DIP2B: variants seen among roughly 807,000 people sequenced by gnomAD.
DIP2B encodes the protein DIP2 acetate--CoA ligase B (putative).
Under a neutral mutation model 198.0 loss-of-function variants are expected in DIP2B, and 76 were observed. That is an observed-to-expected ratio of 0.38 (90% CI 0.32 to 0.46). The LOEUF is 0.46. DIP2B is among the 20% of genes least tolerant of loss of function. The pLI is 0.99. For missense variants in DIP2B, 1,559 were observed against 1,978.4 expected, an observed-to-expected ratio of 0.79 and a Z score of 4.02; for synonymous variants, 701 against 739.1, an observed-to-expected ratio of 0.95 and a Z score of 0.84.
chr12:50,725,104 T>A (rs536912408), intron 28 of DIP2B, among the ~76,000 whole-genome samples: 1 of 152,122 alleles, frequency 6.6e-6, no homozygotes. Flanking sequence ...CAAACAAAAT[T>A]GTTTTGCTGT....
At chr12:50,673,777 C>A (rs958906117) in intron 5 of DIP2B, among the ~76,000 whole-genome samples, 1 of 152,134 alleles carries the variant, frequency 6.6e-6, no homozygotes, top group Non-Finnish European at 1.5e-5. Flanking sequence ...CAGCACAAGA[C>A]CCTGTCTGAA....
intron 19 of DIP2B, among the ~76,000 whole-genome samples, chr12:50,700,642 G>A (rs528771078): frequency 6.6e-6 from 1 of 152,264 alleles, no homozygotes; most frequent in African/African-American, 2.4e-5. Flanking sequence ...TTATCTTTGT[G>A]TTTACCCAAC....
chr12:50,664,437 T>C (rs1361533370), intron 4 of DIP2B, among the ~76,000 whole-genome samples: 2 of 152,202 alleles, frequency 1.3e-5, no homozygotes, highest in Non-Finnish European at 1.5e-5. Flanking sequence ...GCTTGTGGCC[T>C]TTTTCAGAGT....
intron 31 of DIP2B, 67 bp from the exon 32 acceptor site, chr12:50,732,299 G>A: frequency 6.4e-7 from 1 of 1,569,148 alleles, no homozygotes; most frequent in African/African-American, 1.4e-5. Flanking sequence ...AGCTAGAACA[G>A]TGGCCTTACC....
At chr12:50,699,755 C>T (rs1339193939) in intron 19 of DIP2B, among the ~76,000 whole-genome samples, 13 of 151,928 alleles carry the variant, frequency 8.6e-5, no homozygotes, top group Non-Finnish European at 1.5e-4. Flanking sequence ...CCCAGCTACT[C>T]GAAAGGCTGA....
intron 17 of DIP2B, among the ~76,000 whole-genome samples, chr12:50,697,704 A>G (rs1395747437): frequency 6.6e-6 from 1 of 151,142 alleles, no homozygotes; most frequent in African/African-American, 2.4e-5. Context: ...TAATTTTTAA[A>G]TTTTTTTGTA....
Position 50,565,487 on chromosome 12 carries a change from G to A in DIP2B, c.100+60247G>A, listed in dbSNP as rs541208658. Among the ~76,000 whole-genome samples the A allele has an allele frequency of 7.2e-5, 11 of 152,186 alleles. No homozygotes were observed. In the South Asian group the frequency reaches 1.2e-3, roughly 17 times the overall value. On this transcript the variant is annotated intron_variant, in intron 1 of 37. Coordinates refer to ENST00000301180, the MANE Select transcript of DIP2B (RefSeq NM_173602.3). ...ATTGTTTTGTATTTTTAGTAGAGAC[G>A]GGGTTTCACTGTGTTAGCTAGGATG... is the stretch of plus-strand genomic sequence containing the variant.
At chr12:50,525,946 C>T (rs1486104320) in intron 1 of DIP2B, among the ~76,000 whole-genome samples, 1 of 152,160 alleles carries the variant, frequency 6.6e-6, no homozygotes, top group Non-Finnish European at 1.5e-5. Context: ...TTCATCTCAC[C>T]ACTCTCTTTT....
intron 12 of DIP2B, among the ~76,000 whole-genome samples, chr12:50,688,500 A>T (rs1213313750): frequency 4.6e-5 from 7 of 151,926 alleles, no homozygotes; most frequent in Non-Finnish European, 7.4e-5. Context: ...AAAAATAAAA[A>T]ATTAGCTGGG....
chr12:50,666,314 T>C (rs1938751580), intron 4 of DIP2B, among the ~76,000 whole-genome samples: 1 of 152,188 alleles, frequency 6.6e-6, no homozygotes, highest in South Asian at 2.1e-4. Context: ...CATTTTTAGT[T>C]CACTCAACAG....
At chr12:50,657,589 G>T (rs1457120695) in intron 3 of DIP2B, among the ~76,000 whole-genome samples, 2 of 151,528 alleles carry the variant, frequency 1.3e-5, no homozygotes, top group Non-Finnish European at 1.5e-5. Flanking sequence ...ACCAGTAGTT[G>T]GAGACCAGCC....
intron 1 of DIP2B, among the ~76,000 whole-genome samples, chr12:50,509,120 C>A (rs1223909368): frequency 9.3e-6 from 1 of 107,250 alleles, no homozygotes; most frequent in Non-Finnish European, 2.1e-5. Flanking sequence ...GAGCAGGATA[C>A]CCTGGTAGCT....
rs555087009 is a variant in DIP2B, at chr12:50,642,072, A to G, written c.301+1220A>G. Among the ~76,000 whole-genome samples the G allele has an allele frequency of 2.6e-5, 4 of 152,226 alleles. No homozygotes were observed. In the South Asian group the frequency reaches 6.2e-4, roughly 24 times the overall value. ...ATCAGCTATTTTGTGAGCTGATTTT[A>G]CTAGATACATATTTTCACACACAGA... On this transcript the variant is annotated intron_variant, in intron 3 of 37. Transcript: ENST00000301180.
chr12:50,537,167 C>A (rs1438401282), intron 1 of DIP2B, among the ~76,000 whole-genome samples: 3 of 79,996 alleles, frequency 3.8e-5, no homozygotes, highest in Non-Finnish European at 6.5e-5. Flanking sequence ...CACTTTGTTT[C>A]CCAGGCTGGT....
rs1958249566 is a variant in DIP2B at position 50,534,828 on chromosome 12, A to AAGT, written c.100+29589_100+29591dup. Among the ~76,000 whole-genome samples the AAGT allele has an allele frequency of 3.3e-5, 5 of 152,168 alleles. No homozygotes were observed. In the South Asian group the frequency reaches 1.0e-3, roughly 32 times the overall value. ...AACCTCTCCTATCCTTTGGGAGATG[A>AAGT]AGTGGCTAGATGAGAGAATCTAGTT... On this transcript the variant is annotated intron_variant, in intron 1 of 37. Coordinates refer to ENST00000301180, the MANE Select transcript of DIP2B (RefSeq NM_173602.3).
intron 10 of DIP2B, among the ~76,000 whole-genome samples, chr12:50,685,300 TTTG>T (rs1939113858): frequency 6.6e-6 from 1 of 152,202 alleles, no homozygotes; most frequent in Non-Finnish European, 1.5e-5. Context: ...GACTATATCT[TTTG>T]TTGTTTTTGC....
At chr12:50,642,776 G>A (rs904305800) in intron 3 of DIP2B, among the ~76,000 whole-genome samples, 2 of 152,072 alleles carry the variant, frequency 1.3e-5, no homozygotes, top group African/African-American at 4.8e-5. Context: ...GCGACTGAGC[G>A]AGACTCTGTC....
intron 1 of DIP2B, among the ~76,000 whole-genome samples, chr12:50,601,900 C>A (rs73119145): frequency 1.0e-3 from 156 of 152,370 alleles, no homozygotes; most frequent in Non-Finnish European, 1.8e-3. Context: ...ACCATCTTCA[C>A]CCCTGTGTTC....
chr12:50,739,627 T>G, intron 36 of DIP2B, 41 bp downstream of exon 36: 1 of 1,605,688 alleles, frequency 6.2e-7, no homozygotes. Flanking sequence ...GCTTTGTGTT[T>G]CTGTAGCACT....
Sources: gnomAD v4.1 joint callset for allele counts (sites outside exome capture counted in the v4.1 genomes callset) on GRCh38, gnomAD v4.1.1 for gene constraint, MANE v1.5 for transcripts, NCBI Gene and HGNC (gene_info 2026-07-23, HGNC 2026-07-21) for gene names.